The following AGMO variants were observed in gnomAD, a reference collection of about 807,000 sequenced individuals.
AGMO encodes glyceryl-ether monooxygenase.
AGMO carries 75 observed loss-of-function variants against 60.2 expected under a neutral mutation model. The ratio of observed to expected loss-of-function variants is 1.25; its 90% CI spans 1.03 to 1.51. The LOEUF is 1.51. Among genes scored for constraint, AGMO ranks in the 40% most tolerant of loss-of-function variants. The pLI, the probability that AGMO is intolerant of heterozygous loss-of-function variation, is 0.00. For synonymous variants in AGMO, 261 were observed against 177.1 expected, an observed-to-expected ratio of 1.47 and a Z score of -3.76; for missense variants, 763 against 525.5, an observed-to-expected ratio of 1.45 and a Z score of -4.42.
At chr7:15,208,681 G>C (rs535197589) in intron 12 of AGMO, among the ~76,000 whole-genome samples, 1 of 152,246 alleles carries the variant, frequency 6.6e-6, no homozygotes, top group South Asian at 2.1e-4. Context: ...TGAAGTATAA[G>C]ATAGTTCTGT....
the AGMO span, among the ~76,000 whole-genome samples, chr7:15,161,689 A>G: frequency 1.3e-5 from 2 of 151,168 alleles, no homozygotes; most frequent in Admixed American, 6.6e-5. Context: ...ATGTATATGT[A>G]TATATGTGTG....
chr7:15,300,089 A>C (rs1413587424), intron 12 of AGMO, among the ~76,000 whole-genome samples: 1 of 152,122 alleles, frequency 6.6e-6, no homozygotes, highest in African/African-American at 2.4e-5. Context: ...TAGAATTGGA[A>C]GTAATAGAAA....
chr7:15,447,368 C>A (rs1015996823), intron 3 of AGMO, among the ~76,000 whole-genome samples: 3 of 151,990 alleles, frequency 2.0e-5, no homozygotes, highest in African/African-American at 7.3e-5. Context: ...GAGAATAGAG[C>A]AATAGGAATG....
At chr7:15,363,738 A>C (rs905355597) in intron 12 of AGMO, among the ~76,000 whole-genome samples, 2 of 152,126 alleles carry the variant, frequency 1.3e-5, no homozygotes, top group Non-Finnish European at 2.9e-5. Context: ...TTTGTAAGCA[A>C]ACATTCCCAC....
chr7:15,191,224 A>C, the AGMO span, among the ~76,000 whole-genome samples: 2 of 152,210 alleles, frequency 1.3e-5, no homozygotes, highest in African/African-American at 4.8e-5. Context: ...AGACCATTCA[A>C]GGATCAGCAA....
chr7:15,325,921 CGGAGGA>C (rs1286054150), intron 12 of AGMO, among the ~76,000 whole-genome samples: 2 of 151,582 alleles, frequency 1.3e-5, no homozygotes, highest in African/African-American at 2.4e-5. Flanking sequence ...AGGAAGAAGA[CGGAGGA>C]GGAGGAGGAG....
rs1781263914 is a variant in AGMO, at chr7:15,201,053, T to TA, written c.*231dup. 1 of 349,316 alleles carries TA rather than the reference T, an allele frequency of 2.9e-6. No homozygotes were observed. Among genetic ancestry groups the TA allele is most frequent in the Non-Finnish European group, 5.1e-6 (1 of 195,522 alleles). The allele number at this position is 349,316 out of a possible 1,614,324, so 21.6% of individuals were successfully genotyped here. Reference sequence around the variant, plus strand: ...GCTATCAGTTAATATAACATCATTATATTTGAAATCTTTTTTTAATTGTAG... The same window carrying TA: ...GCTATCAGTTAATATAACATCATTATAATTTGAAATCTTTTTTTAATTGTAG... On this transcript the variant is annotated 3_prime_UTR_variant, in exon 13 of 13. Coordinates refer to ENST00000342526, the MANE Select transcript of AGMO (RefSeq NM_001004320.2).
chr7:15,309,143 G>A lies in AGMO; in HGVS notation c.1263+56371C>T, dbSNP rs1780694457. On this transcript the variant is annotated intron_variant, in intron 12 of 12. Transcript: ENST00000342526. ...AAACACTCAGTATGAAAGAGACATG[G>A]CCTTTATAGGAAGACAAGCCCTGCT... 2.0e-5 allele frequency among the ~76,000 whole-genome samples: 3 copies of A among 152,106 alleles called. No individual in the cohort carries two copies. In the South Asian group the frequency reaches 6.2e-4, roughly 32 times the overall value.
rs1166291439 is a variant in AGMO at position 15,465,603 on chromosome 7, TTA to T, written c.410-34497_410-34496del. On this transcript the variant is annotated intron_variant, in intron 3 of 12. Transcript: ENST00000342526. Reference sequence around the variant, plus strand: ...CGTCCGGCTAATTATATATATATATTTATATATATATATGATTTTTTTTTTAG... The same window carrying T: ...CGTCCGGCTAATTATATATATATATTTATATATATATGATTTTTTTTTTAG... Among the ~76,000 whole-genome samples the T allele has an allele frequency of 4.5e-4, 57 of 125,848 alleles. No homozygotes were observed. In the East Asian group the frequency reaches 0.014, roughly 30 times the overall value. 82.6% of individuals were successfully genotyped at this position (125,848 alleles called of 152,430 possible). A position where few individuals can be genotyped will look rare whatever the true frequency, so the allele number is the denominator to read the frequency against.
At chr7:15,329,656 A>T (rs1231899522) in intron 12 of AGMO, among the ~76,000 whole-genome samples, 1 of 152,204 alleles carries the variant, frequency 6.6e-6, no homozygotes, top group Non-Finnish European at 1.5e-5. Flanking sequence ...CACCTATGTT[A>T]TTCTTGATAT....
the AGMO span, among the ~76,000 whole-genome samples, chr7:15,157,659 C>G: frequency 6.6e-6 from 1 of 152,170 alleles, no homozygotes; most frequent in African/African-American, 2.4e-5. Context: ...CAAAGGGGGA[C>G]AAGCCTGGCT....
At chr7:15,166,886 T>A in the AGMO span, among the ~76,000 whole-genome samples, 68 of 152,240 alleles carry the variant, frequency 4.5e-4, 1 homozygote, top group East Asian at 0.012. Context: ...GGAGCAAGAT[T>A]AGGGGTGTAA....
intron 2 of AGMO, among the ~76,000 whole-genome samples, chr7:15,546,829 G>C (rs796476812): frequency 2.0e-5 from 3 of 152,276 alleles, no homozygotes; most frequent in African/African-American, 7.2e-5. Flanking sequence ...GGTTACTTTT[G>C]CATGTTCAGA....
At chr7:15,193,411 A>G in the AGMO span, among the ~76,000 whole-genome samples, 1 of 152,188 alleles carries the variant, frequency 6.6e-6, no homozygotes, top group African/African-American at 2.4e-5. Context: ...CAAATTTACA[A>G]GCTGTGAAAT....
chr7:15,386,887 G>C (rs1215828518), intron 9 of AGMO, among the ~76,000 whole-genome samples: 3 of 151,890 alleles, frequency 2.0e-5, no homozygotes, highest in African/African-American at 7.3e-5. Flanking sequence ...TTTATTTTTG[G>C]TTTTCAATGT....
chr7:15,347,614 C>CAAA (rs35147127), intron 12 of AGMO, among the ~76,000 whole-genome samples: 3 of 151,370 alleles, frequency 2.0e-5, no homozygotes, highest in South Asian at 2.1e-4. Context: ...ACTGATTTCC[C>CAAA]AAAAAAAATG....
chr7:15,349,527 A>G (rs1461410811), intron 12 of AGMO, among the ~76,000 whole-genome samples: 1 of 152,112 alleles, frequency 6.6e-6, no homozygotes, highest in Non-Finnish European at 1.5e-5. Context: ...CATATACCAA[A>G]AAATCTCATA....
intron 12 of AGMO, among the ~76,000 whole-genome samples, chr7:15,348,901 C>T (rs1175510323): frequency 2.0e-5 from 3 of 151,928 alleles, no homozygotes; most frequent in African/African-American, 7.3e-5. Context: ...TACATAGTGT[C>T]ACTAATAAAA....
At chr7:15,488,806 T>G (rs1431257645) in intron 3 of AGMO, among the ~76,000 whole-genome samples, 1 of 145,630 alleles carries the variant, frequency 6.9e-6, no homozygotes, top group Non-Finnish European at 1.5e-5. Context: ...CATTCGGTTG[T>G]TTTTTTTTTA....
Sources: gnomAD v4.1 joint callset for allele counts (sites outside exome capture counted in the v4.1 genomes callset) on GRCh38, gnomAD v4.1.1 for gene constraint, MANE v1.5 for transcripts, NCBI Gene and HGNC (gene_info 2026-07-23, HGNC 2026-07-21) for gene names.